The following SNX14 variants were observed in gnomAD, a reference collection of about 807,000 sequenced individuals.
SNX14 encodes the protein sorting nexin 14.
In SNX14, 93 loss-of-function variants were observed where a neutral mutation model predicts 133.8. That is an observed-to-expected ratio of 0.70 (90% CI 0.59 to 0.83). SNX14 has a LOEUF of 0.83. Ranked by LOEUF, SNX14 falls within the 40% of genes least tolerant of loss-of-function variation. The pLI is 0.00. For missense variants in SNX14, 945 were observed against 1,094.9 expected (o/e 0.86, Z 1.93); for synonymous variants, 368 against 365.6 (o/e 1.01, Z -0.07).
chr6:85,533,697 T>G lies in SNX14; in HGVS notation c.1712A>C (p.Tyr571Ser), dbSNP rs778835593. Residue 571 changes from tyrosine to serine, a missense_variant, in exon 18 of 29, where the codon TAT (tyrosine) becomes TCT (serine). By Grantham distance (144) the Tyr-to-Ser change is moderately radical. Around this residue, in one of 3 missense-constraint regions of SNX14, gnomAD observed 412 missense variants for 516.6 expected, o/e 0.80. Coordinates refer to ENST00000314673, the MANE Select transcript of SNX14 (RefSeq NM_153816.6). ...GGAGGGATCCTCAAAAAAGTCTACATATGGAATGCTAATTTTCCATGCAGC... is the reference window on the plus strand; with the variant it reads ...GGAGGGATCCTCAAAAAAGTCTACAGATGGAATGCTAATTTTCCATGCAGC... ...NLAAWKISIP[Y>S]VDFFEDPSSE... 1 of 1,614,026 alleles carries G rather than the reference T, an allele frequency of 6.2e-7. No individual in the cohort carries two copies. The highest frequency in any genetic ancestry group is 1.7e-5 in the Admixed American group (1 of 60,012).
At chr6:85,575,202 G>A (rs1223363964) in intron 1 of SNX14, among the ~76,000 whole-genome samples, 2 of 152,162 alleles carry the variant, frequency 1.3e-5, no homozygotes, top group Admixed American at 6.5e-5. Flanking sequence ...TCTTAATACA[G>A]GTAGTCCTCA....
intron 21 of SNX14, among the ~76,000 whole-genome samples, chr6:85,523,578 C>T (rs1413752949): frequency 6.6e-6 from 1 of 152,090 alleles, no homozygotes; most frequent in Non-Finnish European, 1.5e-5. Context: ...TCAAGACCAG[C>T]GTGAGCAACA....
chr6:85,517,629 T>G (rs1775484376), intron 23 of SNX14, 127 bp downstream of exon 23: 1 of 1,139,174 alleles, frequency 8.8e-7, no homozygotes. Flanking sequence ...TCAACTGATT[T>G]CCACATAAAG....
chr6:85,565,472 C>T (rs1793516297), intron 5 of SNX14, 53 bp from the exon 6 acceptor site: 3 of 1,340,654 alleles, frequency 2.2e-6, no homozygotes, highest in Middle Eastern at 1.8e-4. Flanking sequence ...TACAGTTTCA[C>T]CTTCTACAAT....
chr6:85,526,488 A>C (rs1421381752), intron 20 of SNX14, among the ~76,000 whole-genome samples: 2 of 152,180 alleles, frequency 1.3e-5, no homozygotes, highest in African/African-American at 4.8e-5. Context: ...AAAGTTCCTA[A>C]ATTGCCCAAG....
chr6:85,514,233 T>C lies in SNX14; in HGVS notation c.2394A>G (p.Gly798=). The C allele has an allele frequency of 6.2e-7, 1 of 1,608,350 alleles. No individual in the cohort carries two copies. The highest frequency in any genetic ancestry group is 2.2e-5 in the East Asian group (1 of 44,820). ...EGVYDYLMYV[G]RVVFQVPDWL... is the part of the protein sequence containing the mutation. ...AGTCAGGAACCTGGAAAACTACCCG[T>C]CCTGAGAAAGGATCAAATGGGATAC... Residue 798 remains glycine (G), a splice_region_variant and synonymous_variant, in exon 25 of 29, where the codon GGA becomes GGG. Coordinates refer to ENST00000314673, the MANE Select transcript of SNX14 (RefSeq NM_153816.6).
intron 12 of SNX14, among the ~76,000 whole-genome samples, chr6:85,544,637 A>G (rs1053055674): frequency 6.6e-6 from 1 of 152,168 alleles, no homozygotes; most frequent in Admixed American, 6.5e-5. Flanking sequence ...AGTCTCTACA[A>G]AGAAATTAGC....
intron 1 of SNX14, among the ~76,000 whole-genome samples, chr6:85,588,059 G>A (rs1801543046): frequency 6.6e-6 from 1 of 152,160 alleles, no homozygotes; most frequent in African/African-American, 2.4e-5. Flanking sequence ...GGAGGCAGAG[G>A]CAAGTGGATC....
intron 15 of SNX14, among the ~76,000 whole-genome samples, chr6:85,539,079 T>G (rs963712216): frequency 1.3e-5 from 2 of 152,176 alleles, no homozygotes; most frequent in African/African-American, 4.8e-5. Flanking sequence ...TTGGATGAAG[T>G]CTACATTACT....
rs866481714 is a variant in SNX14 at position 85,515,279 on chromosome 6, A to C, written c.2269-650T>G. ...AAGACCGTCAAAAAAAAAAAAAAAA[A>C]AAAAAAAACACTAACATGATTTAAA... On this transcript the variant is annotated intron_variant, in intron 23 of 28. Coordinates refer to ENST00000314673, the MANE Select transcript of SNX14 (RefSeq NM_153816.6). Among the ~76,000 whole-genome samples the C allele has an allele frequency of 8.1e-4, 120 of 148,844 alleles. 2 individuals carry two copies. Among genetic ancestry groups the C allele is most frequent in the African/African-American group, 2.7e-3 (109 of 40,250 alleles).
chr6:85,575,269 C>G (rs1796947337), intron 1 of SNX14, among the ~76,000 whole-genome samples: 1 of 152,170 alleles, frequency 6.6e-6, no homozygotes, highest in Non-Finnish European at 1.5e-5. Flanking sequence ...CTAAATAACA[C>G]CAGTCCCCCA....
chr6:85,551,413 C>T (rs1355985807), intron 7 of SNX14, among the ~76,000 whole-genome samples: 2 of 152,140 alleles, frequency 1.3e-5, no homozygotes, highest in African/African-American at 4.8e-5. Context: ...TGGTTTGGGG[C>T]CTGGAAACCA....
intron 17 of SNX14, among the ~76,000 whole-genome samples, chr6:85,534,155 CACA>C (rs1421814065): frequency 2.0e-5 from 3 of 152,132 alleles, no homozygotes. Flanking sequence ...GCCAAATGAT[CACA>C]ACAAGGGTTC....
intron 18 of SNX14, among the ~76,000 whole-genome samples, chr6:85,532,765 T>C (rs1780671046): frequency 6.6e-6 from 1 of 152,220 alleles, no homozygotes; most frequent in Admixed American, 6.5e-5. Flanking sequence ...GTGGTGACTG[T>C]TTATCCTGCT....
intron 7 of SNX14, among the ~76,000 whole-genome samples, chr6:85,551,325 C>T (rs537913704): frequency 2.8e-4 from 42 of 152,312 alleles, no homozygotes; most frequent in African/African-American, 9.9e-4. Context: ...CCAGTTCCTG[C>T]TGTTGGGAGC....
chr6:85,593,642 C>T lies in SNX14; in HGVS notation c.77G>A (p.Arg26His). 1 of 1,612,768 alleles carries T rather than the reference C, an allele frequency of 6.2e-7. No homozygotes were observed. Among genetic ancestry groups the T allele is most frequent in the Non-Finnish European group, 8.5e-7 (1 of 1,179,878 alleles). ...CAGGAAGCAGAACAGCGGGTACTGG[C>T]GGCAGATCTCGCGTCCCACGTCCAG... ...LRLDVGREIC[R>H]QYPLFCFLLL... Residue 26 changes from arginine (R) to histidine (H), a missense_variant, in exon 1 of 29, where the codon CGC (arginine) becomes CAC (histidine). By Grantham distance (29) the Arg-to-His change is conservative. This residue lies in a region of SNX14 where 514 missense variants were observed against 538.8 expected (regional missense o/e 0.95). Transcript: ENST00000314673.
At chr6:85,564,895 A>G (rs1300863680) in intron 6 of SNX14, among the ~76,000 whole-genome samples, 2 of 152,006 alleles carry the variant, frequency 1.3e-5, no homozygotes, top group African/African-American at 2.4e-5. Context: ...AGGCTGAGGC[A>G]GGAGAATCAC....
chr6:85,530,687 C>T (rs1371758623), intron 18 of SNX14, among the ~76,000 whole-genome samples: 2 of 151,530 alleles, frequency 1.3e-5, no homozygotes, highest in African/African-American at 4.8e-5. Context: ...GAATACAAAG[C>T]TGGACATTAT....
At chr6:85,508,964 A>G (rs1254932479) in intron 26 of SNX14, among the ~76,000 whole-genome samples, 1 of 152,252 alleles carries the variant, frequency 6.6e-6, no homozygotes, top group Non-Finnish European at 1.5e-5. Flanking sequence ...CAATAGGCAT[A>G]GTACATCCTT....
Sources: allele counts gnomAD v4.1 joint callset (sites outside exome capture counted in the v4.1 genomes callset), GRCh38; gene constraint gnomAD v4.1.1; regional missense constraint gnomAD v4.1.1; transcripts MANE v1.5; gene names NCBI Gene and HGNC (gene_info 2026-07-23, HGNC 2026-07-21).